Variants in FBXO38 observed in about 807,000 individuals in gnomAD.
FBXO38 encodes F-box only protein 38.
Under a neutral mutation model 131.9 loss-of-function variants are expected in FBXO38, and 53 were observed. The ratio of observed to expected loss-of-function variants is 0.40; its 90% CI spans 0.32 to 0.51. The LOEUF (loss-of-function observed/expected upper bound fraction) is 0.51, where lower values mean the gene tolerates loss of function less well. FBXO38 is among the 20% of genes least tolerant of loss of function. FBXO38 has a pLI of 0.53. For missense variants in FBXO38, 1,076 were observed against 1,475.6 expected, an observed-to-expected ratio of 0.73 and a Z score of 4.44; for synonymous variants, 452 against 505.6, an observed-to-expected ratio of 0.89 and a Z score of 1.42.
intron 17 of FBXO38, among the ~76,000 whole-genome samples, chr5:148,435,395 C>T (rs1267483299): frequency 2.0e-5 from 3 of 152,190 alleles, no homozygotes; most frequent in South Asian, 2.1e-4. Context: ...GGCTAACTGG[C>T]GCAAGAGACC....
chr5:148,423,307 C>T (rs1753544257), intron 12 of FBXO38, among the ~76,000 whole-genome samples: 1 of 152,134 alleles, frequency 6.6e-6, no homozygotes, highest in African/African-American at 2.4e-5. Context: ...CTGTTAAAAC[C>T]TCTAGACCTC....
At chr5:148,414,878 C>T (rs1752963283) in intron 10 of FBXO38, among the ~76,000 whole-genome samples, 2 of 152,042 alleles carry the variant, frequency 1.3e-5, no homozygotes, top group South Asian at 4.1e-4. Context: ...CTTAAAGGCC[C>T]TTCTTAGATA....
At chr5:148,415,854 A>T (rs1753023875) in intron 10 of FBXO38, 74 bp from the exon 11 acceptor site, 1 of 1,476,030 alleles carries the variant, frequency 6.8e-7, no homozygotes. Flanking sequence ...AGTCTTTGTG[A>T]CCTGTATCAA....
Position 148,441,987 on chromosome 5 carries a change from G to A in FBXO38, c.3407G>A (p.Arg1136Lys). 1 of 1,613,516 alleles carries A rather than the reference G, an allele frequency of 6.2e-7. No homozygotes were observed. The change falls in exon 22 of 22, where the codon AGA becomes AAA. Residue 1136 changes from arginine to lysine, a missense_variant. Around this residue, in one of 8 missense-constraint regions of FBXO38, gnomAD observed 282 missense variants for 418.8 expected, o/e 0.67. Coordinates refer to ENST00000340253, the MANE Select transcript of FBXO38 (RefSeq NM_205836.3). ...TTCAAAGGCACTATCTATGCTCCTAGAAGGAAAGGACAGCTGTCTGCAGAC... is the reference window on the plus strand; with the variant it reads ...TTCAAAGGCACTATCTATGCTCCTAAAAGGAAAGGACAGCTGTCTGCAGAC... Reference protein sequence around the residue: ...DDEESTIYAPRRKGQLSADIC... With the variant: ...DDEESTIYAPKRKGQLSADIC...
intron 15 of FBXO38, 194 bp from the exon 16 acceptor site, chr5:148,433,230 A>G: frequency 1.9e-6 from 1 of 521,576 alleles, no homozygotes. Flanking sequence ...TGATGTAGAT[A>G]TGTTTGAAGT....
At chr5:148,424,186 A>C (rs1753594397) in intron 13 of FBXO38, 69 bp downstream of exon 13, 1 of 1,476,650 alleles carries the variant, frequency 6.8e-7, no homozygotes, top group South Asian at 1.3e-5. Context: ...AGTACATGAG[A>C]CAGCGAGAAT....
chr5:148,392,581 TTGTGTGTGTG>T lies in FBXO38; in HGVS notation c.-63-2103_-63-2094del, dbSNP rs55667300. On this transcript the variant is annotated intron_variant, in intron 1 of 21. Transcript: ENST00000340253. The stretch of plus-strand genomic sequence containing the variant: ...AAATTTTTTCTTTTTTTGCTTTTCT[TTGTGTGTGTG>T]TGTGTGTGTGTGTGTGTGTGTGTGT... 1.1e-4 allele frequency among the ~76,000 whole-genome samples: 16 copies of T among 141,946 alleles called. No individual in the cohort carries two copies. In the Middle Eastern group the frequency reaches 0.01, roughly 93 times the overall value. 93.1% of individuals were successfully genotyped at this position (141,946 alleles called of 152,430 possible).
Position 148,433,698 on chromosome 5 carries a change from C to A in FBXO38, c.2818C>A (p.Leu940Ile). 1 of 1,611,670 alleles carries A rather than the reference C, an allele frequency of 6.2e-7. No individual in the cohort carries two copies. Among genetic ancestry groups the A allele is most frequent in the Non-Finnish European group, 8.5e-7 (1 of 1,178,754 alleles). ...VTMTNCGITD[L>I]VLKDCPKMMF... ...TATGACCAATTGTGGAATCACAGATCTAGTGCTAAAAGACTGTCCAAAGAT... is the reference window on the plus strand; with the variant it reads ...TATGACCAATTGTGGAATCACAGATATAGTGCTAAAAGACTGTCCAAAGAT... Residue 940 changes from leucine (L) to isoleucine (I), a missense_variant, in exon 17 of 22, where the codon CTA (leucine) becomes ATA (isoleucine). By Grantham distance (5) the Leu-to-Ile change is conservative. Around this residue, in one of 8 missense-constraint regions of FBXO38, gnomAD observed 282 missense variants for 418.8 expected, o/e 0.67. Coordinates refer to ENST00000340253, the MANE Select transcript of FBXO38 (RefSeq NM_205836.3).
At chr5:148,441,925 T>C (rs1284975991) in intron 21 of FBXO38, 44 bp from the exon 22 acceptor site, 2 of 1,546,108 alleles carry the variant, frequency 1.3e-6, no homozygotes, top group South Asian at 2.4e-5. Flanking sequence ...TCCAAATGAT[T>C]CTGATTATCA....
chr5:148,441,854 C>T (rs1001380921), intron 21 of FBXO38, 115 bp from the exon 22 acceptor site: 2 of 732,440 alleles, frequency 2.7e-6, no homozygotes, highest in Admixed American at 6.6e-5. Flanking sequence ...CCTATTCATG[C>T]ATCAGTTACA....
At chr5:148,423,738 CTGTT>C (rs1465949727) in intron 12 of FBXO38, 2 of 241,676 alleles carry the variant, frequency 8.3e-6, no homozygotes, top group Non-Finnish European at 1.6e-5. Context: ...TCTTTGTTAA[CTGTT>C]TGAGTTTGTA....
intron 12 of FBXO38, among the ~76,000 whole-genome samples, chr5:148,421,750 A>G (rs1028383350): frequency 3.9e-5 from 6 of 152,204 alleles, no homozygotes; most frequent in East Asian, 1.9e-4. Flanking sequence ...AATCATTTGT[A>G]TCTTCACTAG....
chr5:148,415,608 A>C (rs1753006128), intron 10 of FBXO38, among the ~76,000 whole-genome samples: 1 of 152,172 alleles, frequency 6.6e-6, no homozygotes, highest in South Asian at 2.1e-4. Context: ...TAGCTACATA[A>C]TGTTCTATTA....
chr5:148,390,333 C>T (rs1413249465), intron 1 of FBXO38, among the ~76,000 whole-genome samples: 2 of 152,160 alleles, frequency 1.3e-5, no homozygotes, highest in African/African-American at 4.8e-5. Flanking sequence ...GAGAAGGCTG[C>T]TAGATTTCTC....
chr5:148,425,468 A>G, intron 13 of FBXO38, 54 bp from the exon 14 acceptor site: 2 of 1,400,652 alleles, frequency 1.4e-6, no homozygotes, highest in Non-Finnish European at 2.0e-6. Context: ...AGTACTTTGC[A>G]TTAGATCCTT....
chr5:148,406,460 A>G, intron 7 of FBXO38, 66 bp downstream of exon 7: 2 of 1,295,068 alleles, frequency 1.5e-6, no homozygotes, highest in Non-Finnish European at 2.1e-6. Flanking sequence ...TTAAGCTTTT[A>G]TTTAACTTCC....
intron 15 of FBXO38, chr5:148,430,663 G>C (rs990337185): frequency 2.0e-5 from 3 of 152,042 alleles, no homozygotes; most frequent in African/African-American, 7.2e-5. Flanking sequence ...GTTTTTTAAA[G>C]AGAAAAATCC....
In FBXO38 at chr5:148,418,642, G is replaced by A. The variant is rs139520920; in HGVS notation, c.1618+1438G>A. Among the ~76,000 whole-genome samples the A allele has an allele frequency of 8.7e-4, 132 of 152,266 alleles. 1 individual carries two copies. The East Asian group carries it at 0.024, about 28-fold the overall frequency. ...CTGAGTGCTATGGTACATAGTACAG[G>A]TTACTACCACTATAAAGATCTGCAC... is the stretch of plus-strand genomic sequence containing the variant. On this transcript the variant is annotated intron_variant, in intron 12 of 21. Transcript: ENST00000340253.
chr5:148,427,413 A>G lies in FBXO38; in HGVS notation c.2119A>G (p.Thr707Ala). The G allele has an allele frequency of 6.2e-7, 1 of 1,614,142 alleles. No individual in the cohort carries two copies. Among genetic ancestry groups the G allele is most frequent in the Non-Finnish European group, 8.5e-7 (1 of 1,180,020 alleles). The change falls in exon 15 of 22, where the codon ACC becomes GCC. Residue 707 changes from threonine to alanine, a missense_variant. By Grantham distance (58) the Thr-to-Ala change is moderately conservative. Transcript: ENST00000340253. ...NKDVYPSCSS[T>A]TASTVGNSSS... ...GGATGTTTATCCCAGCTGCAGCAGCACCACCGCCAGCACAGTGGGAAACTC... is the reference window on the plus strand; with the variant it reads ...GGATGTTTATCCCAGCTGCAGCAGCGCCACCGCCAGCACAGTGGGAAACTC...
Sources: allele counts gnomAD v4.1 joint callset (sites outside exome capture counted in the v4.1 genomes callset), GRCh38; gene constraint gnomAD v4.1.1; regional missense constraint gnomAD v4.1.1; transcripts MANE v1.5; gene names NCBI Gene and HGNC (gene_info 2026-07-23, HGNC 2026-07-21).